The following TTLL9 variants were observed in gnomAD, a reference collection of about 807,000 sequenced individuals.
The protein encoded by TTLL9 is tubulin tyrosine ligase like 9.
Under a neutral mutation model 65.6 loss-of-function variants are expected in TTLL9, and 47 were observed. The ratio of observed to expected loss-of-function variants is 0.72; its 90% CI spans 0.57 to 0.91. The LOEUF is 0.91. TTLL9 is among the 40% of genes least tolerant of loss of function. The probability of loss-of-function intolerance (pLI) is 0.00; values close to 1 mark genes in which losing one functional copy is unlikely to be tolerated. For synonymous variants in TTLL9, 179 were observed against 204.8 expected, an observed-to-expected ratio of 0.87 and a Z score of 1.07; for missense variants, 537 against 568.8, an observed-to-expected ratio of 0.94 and a Z score of 0.57.
chr20:31,911,584 C>T (rs534454311), intron 6 of TTLL9, among the ~76,000 whole-genome samples: 20 of 152,274 alleles, frequency 1.3e-4, no homozygotes, highest in African/African-American at 4.1e-4. Context: ...CCAGGGAAGG[C>T]GCAGTGAGGA....
intron 11 of TTLL9, 82 bp from the exon 12 acceptor site, chr20:31,934,610 G>A (rs2064076852): frequency 7.8e-7 from 1 of 1,285,826 alleles, no homozygotes; most frequent in South Asian, 1.4e-5. Flanking sequence ...GGGAAACACT[G>A]AGAGCAATTG....
At chr20:31,877,905 C>A (rs1315251649) in intron 2 of TTLL9, among the ~76,000 whole-genome samples, 1 of 152,200 alleles carries the variant, frequency 6.6e-6, no homozygotes, top group Admixed American at 6.5e-5. Context: ...CATGGTATAT[C>A]ATTGCATTTA....
intron 10 of TTLL9, among the ~76,000 whole-genome samples, chr20:31,932,672 G>A (rs2123616802): frequency 6.6e-6 from 1 of 152,152 alleles, no homozygotes; most frequent in Non-Finnish European, 1.5e-5. Context: ...CCCCAAGTAA[G>A]TCCTGGAGAA....
At chr20:31,911,221 A>G (rs2063640636) in intron 6 of TTLL9, among the ~76,000 whole-genome samples, 2 of 152,136 alleles carry the variant, frequency 1.3e-5, no homozygotes, top group African/African-American at 4.8e-5. Context: ...GGTGAGGACA[A>G]CAGCGCACCT....
intron 6 of TTLL9, among the ~76,000 whole-genome samples, chr20:31,915,142 G>T (rs2063715275): frequency 6.6e-6 from 1 of 152,164 alleles, no homozygotes; most frequent in African/African-American, 2.4e-5. Flanking sequence ...CAAAGTCACG[G>T]GCATGGCTAA....
chr20:31,885,729 C>A (rs935640449), intron 2 of TTLL9, among the ~76,000 whole-genome samples: 2 of 152,168 alleles, frequency 1.3e-5, no homozygotes, highest in East Asian at 1.9e-4. Context: ...AGATTCCCAC[C>A]CCCTAGAGTA....
chr20:31,921,841 G>C (rs1003539276), intron 7 of TTLL9, among the ~76,000 whole-genome samples: 1 of 152,114 alleles, frequency 6.6e-6, no homozygotes, highest in Non-Finnish European at 1.5e-5. Flanking sequence ...AAGGAGGGGG[G>C]AGGGATAGCA....
intron 14 of TTLL9, among the ~76,000 whole-genome samples, chr20:31,941,535 C>G (rs2064209588): frequency 2.6e-5 from 4 of 151,784 alleles, no homozygotes; most frequent in Admixed American, 2.6e-4. Flanking sequence ...CAATATGCAG[C>G]CCAAGTTGAG....
chr20:31,895,277 T>A (rs1212370753), intron 3 of TTLL9, among the ~76,000 whole-genome samples: 1 of 152,196 alleles, frequency 6.6e-6, no homozygotes, highest in Admixed American at 6.5e-5. Flanking sequence ...AGCAGATTGG[T>A]GAGTGTCAGT....
chr20:31,921,017 C>T (rs1445427686), intron 7 of TTLL9, among the ~76,000 whole-genome samples: 1 of 152,122 alleles, frequency 6.6e-6, no homozygotes, highest in Non-Finnish European at 1.5e-5. Flanking sequence ...GCAATGTCCT[C>T]GGGGGCCCAT....
chr20:31,919,598 T>C (rs2063785161), intron 6 of TTLL9, among the ~76,000 whole-genome samples: 1 of 152,194 alleles, frequency 6.6e-6, no homozygotes, highest in South Asian at 2.1e-4. Flanking sequence ...AAATGGCTTT[T>C]TAATTGTCTG....
At chr20:31,899,337 TA>T (rs2063436426) in intron 4 of TTLL9, among the ~76,000 whole-genome samples, 1 of 152,122 alleles carries the variant, frequency 6.6e-6, no homozygotes, top group African/African-American at 2.4e-5. Flanking sequence ...CAGGAGGCAA[TA>T]AAAGGCATAG....
chr20:31,933,946 C>A, intron 11 of TTLL9, 88 bp downstream of exon 11: 1 of 1,386,840 alleles, frequency 7.2e-7, no homozygotes, highest in Non-Finnish European at 9.8e-7. Context: ...GAGCCCAGGA[C>A]AGGCCTGTCT....
chr20:31,872,830 G>A (rs2062957274), intron 2 of TTLL9, among the ~76,000 whole-genome samples: 1 of 152,244 alleles, frequency 6.6e-6, no homozygotes, highest in African/African-American at 2.4e-5. Flanking sequence ...AGTAGAGGGA[G>A]CTACAGGAGG....
In TTLL9 at chr20:31,871,106, C is replaced by A; in HGVS notation, c.-5-16C>A. ...CCATCCTCTCACTCCTTCCTTCCAT[C>A]CATTTCGGCCCCTAGGAGGGATGGT... On this transcript the variant is annotated splice_polypyrimidine_tract_variant and intron_variant, in intron 1 of 14. Transcript: ENST00000535842. The A allele has an allele frequency of 6.2e-7, 1 of 1,613,236 alleles. No homozygotes were observed. The highest frequency in any genetic ancestry group is 8.5e-7 in the Non-Finnish European group (1 of 1,179,266).
chr20:31,911,846 G>C (rs1028633498), intron 6 of TTLL9, among the ~76,000 whole-genome samples: 1 of 129,946 alleles, frequency 7.7e-6, no homozygotes, highest in Admixed American at 9.4e-5. Flanking sequence ...GTGTGTGTGT[G>C]TGTGTGTGTG....
intron 2 of TTLL9, among the ~76,000 whole-genome samples, chr20:31,884,368 G>A (rs1444259460): frequency 1.3e-5 from 2 of 152,256 alleles, no homozygotes; most frequent in Middle Eastern, 6.8e-3. Flanking sequence ...TGGGATTATA[G>A]GTGTGTGCCA....
chr20:31,894,872 G>A (rs765083765), intron 3 of TTLL9, among the ~76,000 whole-genome samples: 6 of 152,126 alleles, frequency 3.9e-5, no homozygotes, highest in Middle Eastern at 3.4e-3. Flanking sequence ...ATTAAATTGC[G>A]TGTACTCCAA....
intron 3 of TTLL9, among the ~76,000 whole-genome samples, chr20:31,888,581 G>C (rs1046415253): frequency 1.3e-5 from 2 of 151,368 alleles, no homozygotes; most frequent in Admixed American, 6.6e-5. Context: ...AAGCGATTCT[G>C]CTGCCTCAGC....
Sources: gnomAD v4.1 joint callset for allele counts (sites outside exome capture counted in the v4.1 genomes callset) on GRCh38, gnomAD v4.1.1 for gene constraint, MANE v1.5 for transcripts, NCBI Gene and HGNC (gene_info 2026-07-23, HGNC 2026-07-21) for gene names.